METAP1: variants seen among roughly 807,000 people sequenced by gnomAD.
METAP1 encodes the protein methionyl aminopeptidase 1.
In METAP1, 28 loss-of-function variants were observed where a neutral mutation model predicts 53.8. That is an observed-to-expected ratio of 0.52 (90% CI 0.39 to 0.71). The LOEUF (loss-of-function observed/expected upper bound fraction) is 0.71, where lower values mean the gene tolerates loss of function less well. METAP1 is among the 30% of genes least tolerant of loss of function. The probability of loss-of-function intolerance (pLI) is 0.00; values close to 1 mark genes in which losing one functional copy is unlikely to be tolerated. For synonymous variants in METAP1, 181 were observed against 165.7 expected, an observed-to-expected ratio of 1.09 and a Z score of -0.71; for missense variants, 389 against 479.8, an observed-to-expected ratio of 0.81 and a Z score of 1.77.
intron 2 of METAP1, among the ~76,000 whole-genome samples, chr4:99,030,433 A>G (rs1475408337): frequency 1.3e-5 from 2 of 152,114 alleles, no homozygotes; most frequent in African/African-American, 2.4e-5. Flanking sequence ...TCTTGTAGCT[A>G]TTGCTCTGTT....
At chr4:99,006,069 C>T (rs1723163610) in intron 1 of METAP1, among the ~76,000 whole-genome samples, 1 of 152,184 alleles carries the variant, frequency 6.6e-6, no homozygotes, top group Non-Finnish European at 1.5e-5. Flanking sequence ...GTTTCATATG[C>T]TAGCTAGGAC....
intron 1 of METAP1, among the ~76,000 whole-genome samples, chr4:99,004,474 CACACACACAT>C (rs1378473099): frequency 0.015 from 301 of 20,510 alleles, 2 homozygotes; most frequent in African/African-American, 0.049. Flanking sequence ...CACACACACA[CACACACACAT>C]ACACACACAC....
rs1727522723 is a variant in METAP1 at position 99,061,184 on chromosome 4, G to A, written c.1028G>A (p.Gly343Asp). The A allele has an allele frequency of 6.2e-7, 1 of 1,613,484 alleles. No individual in the cohort carries two copies. The highest frequency in any genetic ancestry group is 1.7e-5 in the Admixed American group (1 of 59,928). The change falls in exon 11 of 11, where the codon GGT (glycine) becomes GAT (aspartate). Residue 343 changes from glycine (G) to aspartate (D), a missense_variant. By Grantham distance (94) the Gly-to-Asp change is moderately conservative. Transcript: ENST00000296411. ...GGWQDETWPD[G>D]WTAVTRDGKR... ...TGGCAGGATGAAACCTGGCCAGATG[G>A]TTGGACTGCGGTGACAAGAGACGGA... is the stretch of plus-strand genomic sequence containing the variant.
chr4:99,042,314 G>T (rs1423620266), intron 6 of METAP1, among the ~76,000 whole-genome samples: 3 of 151,080 alleles, frequency 2.0e-5, no homozygotes, highest in Admixed American at 1.3e-4. Context: ...TATTAATTTA[G>T]ATTTTCAGTA....
rs1415272729 is a variant in METAP1, at chr4:99,035,420, A to C, written c.300A>C (p.Pro100=). The change falls in exon 4 of 11, where the codon CCA becomes CCC. Residue 100 remains proline (P), a synonymous_variant. Coordinates refer to ENST00000296411, the MANE Select transcript of METAP1 (RefSeq NM_015143.3). ...TTTAGATGCCAACAAGGCCAGTGCCAAGTTATATTCAAAGACCAGATTATG... is the reference window on the plus strand; with the variant it reads ...TTTAGATGCCAACAAGGCCAGTGCCCAGTTATATTCAAAGACCAGATTATG... ...HYPLMPTRPV[P]SYIQRPDYAD... is the part of the protein sequence containing the mutation. 2 of 1,548,834 alleles carry C rather than the reference A, an allele frequency of 1.3e-6. No individual in the cohort carries two copies. Among genetic ancestry groups the C allele is most frequent in the Admixed American group, 3.9e-5 (2 of 50,976 alleles).
At chr4:98,998,202 T>C (rs1722730082) in intron 1 of METAP1, among the ~76,000 whole-genome samples, 1 of 152,192 alleles carries the variant, frequency 6.6e-6, no homozygotes, top group Admixed American at 6.5e-5. Flanking sequence ...CTGTAACTTA[T>C]TCTAAGCGCT....
intron 5 of METAP1, among the ~76,000 whole-genome samples, chr4:99,040,604 C>A (rs1286831030): frequency 6.6e-6 from 1 of 151,476 alleles, no homozygotes; most frequent in Non-Finnish European, 1.5e-5. Flanking sequence ...TATCCTTCCA[C>A]CTCAGCCTCC....
chr4:99,012,990 CTG>C (rs1723562753), intron 1 of METAP1, among the ~76,000 whole-genome samples: 1 of 152,074 alleles, frequency 6.6e-6, no homozygotes, highest in Non-Finnish European at 1.5e-5. Context: ...AAAGGAGTGT[CTG>C]GATTAAAATA....
intron 7 of METAP1, among the ~76,000 whole-genome samples, chr4:99,043,588 G>A (rs1726023767): frequency 6.6e-6 from 1 of 152,154 alleles, no homozygotes; most frequent in African/African-American, 2.4e-5. Flanking sequence ...CTTCCGGTGT[G>A]ATGTGTTTGG....
chr4:99,012,659 T>G (rs1008017538), intron 1 of METAP1, among the ~76,000 whole-genome samples: 5 of 148,894 alleles, frequency 3.4e-5, no homozygotes, highest in African/African-American at 9.9e-5. Context: ...AAAGTTTTTT[T>G]TTTTTTTTTT....
At chr4:99,048,923 A>G in intron 9 of METAP1, 47 bp downstream of exon 9, 1 of 1,579,096 alleles carries the variant, frequency 6.3e-7, no homozygotes. Context: ...TTTATTCAAC[A>G]AATACTTATT....
chr4:99,023,725 G>T, intron 1 of METAP1: 6 of 985,406 alleles, frequency 6.1e-6, no homozygotes, highest in South Asian at 4.7e-5. Flanking sequence ...TTGTAGTTTG[G>T]CAAGTCAGTG....
In METAP1 at chr4:99,061,341, A is replaced by G; in HGVS notation, c.*24A>G. 1 of 1,596,526 alleles carries G rather than the reference A, an allele frequency of 6.3e-7. No individual in the cohort carries two copies. The highest frequency in any genetic ancestry group is 8.6e-7 in the Non-Finnish European group (1 of 1,167,026). On this transcript the variant is annotated 3_prime_UTR_variant, in exon 11 of 11. Coordinates refer to ENST00000296411, the MANE Select transcript of METAP1 (RefSeq NM_015143.3). ...AATTTCTCCCAAGATGGCACATCTC[A>G]GTACCTTCTTACTGTGCTATGCATT...
intron 1 of METAP1, among the ~76,000 whole-genome samples, chr4:99,021,690 T>C (rs1423048633): frequency 6.6e-6 from 1 of 152,220 alleles, no homozygotes; most frequent in Non-Finnish European, 1.5e-5. Flanking sequence ...CCCCTATGGC[T>C]GTGTCCCGTT....
At chr4:99,038,538 G>C (rs1725602065) in intron 4 of METAP1, among the ~76,000 whole-genome samples, 1 of 151,988 alleles carries the variant, frequency 6.6e-6, no homozygotes, top group African/African-American at 2.4e-5. Context: ...GCATCCTGAT[G>C]TATTAAGTTT....
At chr4:99,005,689 GGA>G (rs774069060) in intron 1 of METAP1, 5 of 314,860 alleles carry the variant, frequency 1.6e-5, no homozygotes, top group African/African-American at 2.2e-5. Flanking sequence ...GCTGATGAGT[GGA>G]TAAAGCAAAT....
intron 1 of METAP1, among the ~76,000 whole-genome samples, chr4:98,999,418 C>T (rs1215196457): frequency 6.7e-6 from 1 of 149,960 alleles, no homozygotes; most frequent in East Asian, 1.9e-4. Flanking sequence ...AAGCTCTTAG[C>T]ATATTAGTAA....
chr4:99,032,689 G>A (rs183497840), intron 2 of METAP1, among the ~76,000 whole-genome samples: 97 of 152,236 alleles, frequency 6.4e-4, no homozygotes, highest in Non-Finnish European at 1.3e-3. Flanking sequence ...CTAGGTTTTG[G>A]GAGAAAGTTA....
intron 2 of METAP1, among the ~76,000 whole-genome samples, chr4:99,030,800 A>G (rs1579287851): frequency 6.7e-6 from 1 of 149,498 alleles, no homozygotes; most frequent in Non-Finnish European, 1.5e-5. Context: ...TTTTTTAAGT[A>G]TAGTGTCTAC....
Sources: allele counts gnomAD v4.1 joint callset (sites outside exome capture counted in the v4.1 genomes callset), GRCh38; gene constraint gnomAD v4.1.1; transcripts MANE v1.5; gene names NCBI Gene and HGNC (gene_info 2026-07-23, HGNC 2026-07-21).